Variants in PPP2R2A observed in about 807,000 individuals in gnomAD.
PPP2R2A encodes the protein protein phosphatase 2 regulatory subunit Balpha.
In PPP2R2A, 9 loss-of-function variants were observed where a neutral mutation model predicts 53.2. The observed-to-expected ratio is 0.17, with a 90% confidence interval of 0.10 to 0.30. The LOEUF (loss-of-function observed/expected upper bound fraction) is 0.30, where lower values mean the gene tolerates loss of function less well. PPP2R2A is among the 10% of genes least tolerant of loss of function. PPP2R2A has a pLI of 1.00. For synonymous variants in PPP2R2A, 169 were observed against 174.2 expected (o/e 0.97, Z 0.23); for missense variants, 235 against 534.6 (o/e 0.44, Z 5.53).
chr8:26,350,897 A>G (rs566431984), intron 3 of PPP2R2A, among the ~76,000 whole-genome samples: 5 of 152,096 alleles, frequency 3.3e-5, no homozygotes, highest in African/African-American at 1.2e-4. Flanking sequence ...CACGCCTGTA[A>G]TCCTAGCACT....
At chr8:26,342,650 C>A in intron 3 of PPP2R2A, among the ~76,000 whole-genome samples, 1 of 152,166 alleles carries the variant, frequency 6.6e-6, no homozygotes, top group African/African-American at 2.4e-5. Flanking sequence ...CTTTCCACTT[C>A]TTTTTATAAT....
chr8:26,303,824 A>G (rs963897523), intron 2 of PPP2R2A, among the ~76,000 whole-genome samples: 3 of 152,216 alleles, frequency 2.0e-5, no homozygotes, highest in Non-Finnish European at 2.9e-5. Context: ...GTTGATTACA[A>G]TATCATCTAG....
chr8:26,363,630 G>C (rs1805227809), intron 7 of PPP2R2A, 91 bp from the exon 8 acceptor site: 3 of 1,147,758 alleles, frequency 2.6e-6, no homozygotes, highest in African/African-American at 1.6e-5. Flanking sequence ...TCACTTGTAG[G>C]GAGTTTGTGA....
rs1225882011 is a variant in PPP2R2A at position 26,371,712 on chromosome 8, A to G, written c.*1299A>G. The G allele has an allele frequency of 1.3e-5, 2 of 152,202 alleles. No homozygotes were observed. The highest frequency in any genetic ancestry group is 4.1e-4 in the South Asian group (2 of 4,828). The allele number at this position is 152,202 out of a possible 1,614,324, so 9.4% of individuals were successfully genotyped here. On this transcript the variant is annotated 3_prime_UTR_variant, in exon 10 of 10. Coordinates refer to ENST00000380737, the MANE Select transcript of PPP2R2A (RefSeq NM_002717.4). ...GTTTTCCAAAGCTATATGAAAGACA[A>G]ATTTTTAAAGGTACAGCGTTCAAAA...
intron 2 of PPP2R2A, among the ~76,000 whole-genome samples, chr8:26,306,777 G>A (rs1802043311): frequency 6.6e-6 from 1 of 152,096 alleles, no homozygotes; most frequent in Non-Finnish European, 1.5e-5. Context: ...CCAGGAGTTC[G>A]AGGTTGCAGT....
intron 2 of PPP2R2A, among the ~76,000 whole-genome samples, chr8:26,311,152 T>C (rs1265238619): frequency 6.6e-6 from 1 of 152,240 alleles, no homozygotes; most frequent in Non-Finnish European, 1.5e-5. Flanking sequence ...ATAATAGTAC[T>C]TGTCTTTTTA....
intron 3 of PPP2R2A, among the ~76,000 whole-genome samples, chr8:26,348,053 C>T (rs1252783934): frequency 6.6e-6 from 1 of 152,110 alleles, no homozygotes; most frequent in Non-Finnish European, 1.5e-5. Context: ...TCACAAGACA[C>T]TGACTCTTTT....
chr8:26,297,828 T>C (rs571280205), intron 2 of PPP2R2A, among the ~76,000 whole-genome samples: 1 of 152,258 alleles, frequency 6.6e-6, no homozygotes, highest in East Asian at 1.9e-4. Flanking sequence ...GTCTTTGGAG[T>C]ATGAGTATAT....
At chr8:26,305,978 T>G (rs1022434791) in intron 2 of PPP2R2A, among the ~76,000 whole-genome samples, 1 of 152,172 alleles carries the variant, frequency 6.6e-6, no homozygotes, top group Admixed American at 6.5e-5. Context: ...CTTCTCTAGG[T>G]GAATGTTTAT....
chr8:26,343,948 G>A (rs1351264629), intron 3 of PPP2R2A, among the ~76,000 whole-genome samples: 1 of 152,110 alleles, frequency 6.6e-6, no homozygotes, highest in Non-Finnish European at 1.5e-5. Context: ...TAAAATCCCT[G>A]GGTTCTGTCA....
chr8:26,302,535 C>G (rs1054208769), intron 2 of PPP2R2A, among the ~76,000 whole-genome samples: 1 of 152,130 alleles, frequency 6.6e-6, no homozygotes, highest in African/African-American at 2.4e-5. Context: ...GACAGACTAC[C>G]GATATGTTTT....
At chr8:26,347,774 T>C (rs1395943649) in intron 3 of PPP2R2A, among the ~76,000 whole-genome samples, 1 of 152,196 alleles carries the variant, frequency 6.6e-6, no homozygotes, top group Admixed American at 6.5e-5. Context: ...GCACTTAGAA[T>C]AGTACATAAT....
At chr8:26,308,928 A>C (rs1802149389) in intron 2 of PPP2R2A, among the ~76,000 whole-genome samples, 2 of 152,096 alleles carry the variant, frequency 1.3e-5, no homozygotes, top group South Asian at 2.1e-4. Context: ...TGGTGTGATC[A>C]TGGCTCACTG....
At chr8:26,312,148 A>G (rs1164413619) in intron 2 of PPP2R2A, among the ~76,000 whole-genome samples, 2 of 152,264 alleles carry the variant, frequency 1.3e-5, no homozygotes, top group Non-Finnish European at 2.9e-5. Context: ...AAAATTCTCC[A>G]GAAGTCTGAA....
At position 26,371,372 on chromosome 8, in the gene PPP2R2A, T is replaced by TA. The variant is rs34324006; in HGVS notation, c.*960dup. 3 of 149,974 alleles carry TA rather than the reference T, an allele frequency of 2.0e-5. No individual in the cohort carries two copies. In the East Asian group the frequency reaches 6.1e-4, roughly 30 times the overall value. The allele number at this position is 149,974 out of a possible 1,614,324, so 9.3% of individuals were successfully genotyped here. A position where few individuals can be genotyped will look rare whatever the true frequency, so the allele number is the denominator to read the frequency against. On this transcript the variant is annotated 3_prime_UTR_variant, in exon 10 of 10. Coordinates refer to ENST00000380737, the MANE Select transcript of PPP2R2A (RefSeq NM_002717.4). ...TGCTACTAGTTTTTTTTTTTTTTTT[T>TA]ACCATCATGAGGGTATTGGATACAT...
intron 9 of PPP2R2A, among the ~76,000 whole-genome samples, chr8:26,367,813 A>G (rs1038626679): frequency 6.6e-6 from 1 of 152,218 alleles, no homozygotes; most frequent in African/African-American, 2.4e-5. Flanking sequence ...GACCCACTGA[A>G]ACTGACCAGT....
intron 2 of PPP2R2A, among the ~76,000 whole-genome samples, chr8:26,333,247 C>T (rs1018860290): frequency 6.6e-6 from 1 of 152,158 alleles, no homozygotes; most frequent in Non-Finnish European, 1.5e-5. Context: ...ATGGGCATGG[C>T]TAAGTTCCAT....
At chr8:26,343,321 G>A (rs1052952980) in intron 3 of PPP2R2A, among the ~76,000 whole-genome samples, 2 of 151,804 alleles carry the variant, frequency 1.3e-5, no homozygotes, top group African/African-American at 4.8e-5. Flanking sequence ...TAACTTTTTT[G>A]TTGTCATCCC....
At chr8:26,313,560 ACTG>A (rs1802393591) in intron 2 of PPP2R2A, among the ~76,000 whole-genome samples, 1 of 152,178 alleles carries the variant, frequency 6.6e-6, no homozygotes, top group Non-Finnish European at 1.5e-5. Flanking sequence ...GGAACCTGTG[ACTG>A]TTACCTTATA....
Sources: gnomAD v4.1 joint callset for allele counts (sites outside exome capture counted in the v4.1 genomes callset) on GRCh38, gnomAD v4.1.1 for gene constraint, MANE v1.5 for transcripts, NCBI Gene and HGNC (gene_info 2026-07-23, HGNC 2026-07-21) for gene names.